Variants in INTS10 observed in about 807,000 individuals in gnomAD.
INTS10 encodes the protein chromosome 8 open reading frame 35.
In INTS10, 44 loss-of-function variants were observed where a neutral mutation model predicts 94.4. That is an observed-to-expected ratio of 0.47 (90% confidence interval 0.37 to 0.60). INTS10 has a LOEUF of 0.60. Among genes scored for constraint, INTS10 ranks in the 20% least tolerant of loss-of-function variants. The probability of loss-of-function intolerance (pLI) is 0.00; values close to 1 mark genes in which losing one functional copy is unlikely to be tolerated. For synonymous variants in INTS10, 341 were observed against 320.7 expected (o/e 1.06, Z -0.68); for missense variants, 797 against 868.7 (o/e 0.92, Z 1.04).
chr8:19,817,449 CGGCGGCGGCGGT>C lies in INTS10; in HGVS notation c.-85_-74del. The C allele has an allele frequency of 2.0e-6, 3 of 1,507,176 alleles. No individual in the cohort carries two copies. Among genetic ancestry groups the C allele is most frequent in the Non-Finnish European group, 2.7e-6 (3 of 1,126,356 alleles). The allele number at this position is 1,507,176 out of a possible 1,614,324, so 93.4% of individuals were successfully genotyped here. ...GCAGTAGCCTCCCCCGCGGTGGCGG[CGGCGGCGGCGGT>C]GGCTGCCGTGGCGGCTGAGAGTCCA... On this transcript the variant is annotated 5_prime_UTR_variant, in exon 1 of 17. Transcript: ENST00000397977.
chr8:19,846,034 T>C lies in INTS10; in HGVS notation c.1976+237T>C. 1 of 421,144 alleles carries C rather than the reference T, an allele frequency of 2.4e-6. No individual in the cohort carries two copies. Among genetic ancestry groups the C allele is most frequent in the Non-Finnish European group, 4.3e-6 (1 of 230,696 alleles). 26.1% of individuals were successfully genotyped at this position (421,144 alleles called of 1,614,324 possible). On this transcript the variant is annotated intron_variant, in intron 16 of 16. Coordinates refer to ENST00000397977, the MANE Select transcript of INTS10 (RefSeq NM_018142.4). This position sits in a 1 kb window ranked among gnomAD's most constrained non-coding sequence, Gnocchi z 4.2. The stretch of plus-strand genomic sequence containing the variant: ...TTTGTCACATTTGCAACTTTTTCAC[T>C]AGACAAAAGTCTCATTCATGATATC...
rs770468173 is a variant in INTS10, at chr8:19,844,210, A to G, written c.1854A>G (p.Gln618=). 68 of 1,612,666 alleles carry G rather than the reference A, an allele frequency of 4.2e-5. 1 individual carries two copies. The East Asian group carries it at 1.1e-3, about 27-fold the overall frequency. The stretch of plus-strand genomic sequence containing the variant: ...AAATTTGCCAACAAGGAAATTTCCA[A>G]TATGAGAATTTTTTCAATTACGTTA... ...VNKICQQGNF[Q]YENFFNYVTN... The change falls in exon 15 of 17, where the codon CAA becomes CAG. Residue 618 remains glutamine, a synonymous_variant. Coordinates refer to ENST00000397977, the MANE Select transcript of INTS10 (RefSeq NM_018142.4).
chr8:19,831,651 C>A (rs1350948677), intron 10 of INTS10, among the ~76,000 whole-genome samples: 1 of 152,150 alleles, frequency 6.6e-6, no homozygotes, highest in African/African-American at 2.4e-5. Context: ...GTTAGGGCCA[C>A]TGTACTGCCA....
At chr8:19,837,383 T>C (rs2067747593) in intron 13 of INTS10, 1 of 502,220 alleles carries the variant, frequency 2.0e-6, no homozygotes, top group Non-Finnish European at 3.6e-6. Context: ...AACAATGTTT[T>C]ACAGTTCCTA....
Position 19,852,031 on chromosome 8 carries a change from A to G in INTS10, c.*226A>G, listed in dbSNP as rs1309214795. The stretch of plus-strand genomic sequence containing the variant: ...TAATTTTTGTAAAACAAAAGTACCA[A>G]TCTGTTTTGTAAATAAAAATCATCC... On this transcript the variant is annotated 3_prime_UTR_variant, in exon 17 of 17. Coordinates refer to ENST00000397977, the MANE Select transcript of INTS10 (RefSeq NM_018142.4). 2.7e-6 allele frequency: 1 copy of G among 365,738 alleles called. No individual in the cohort carries two copies. Among genetic ancestry groups the G allele is most frequent in the Admixed American group, 4.1e-5 (1 of 24,134 alleles). The allele number at this position is 365,738 out of a possible 1,614,324, so 22.7% of individuals were successfully genotyped here.
rs2068621894 is a variant in INTS10, at chr8:19,846,794, G to T, written c.1976+997G>T. 6.6e-6 allele frequency among the ~76,000 whole-genome samples: 1 copy of T among 152,142 alleles called. No homozygotes were observed. The highest frequency in any genetic ancestry group is 1.9e-4 in the East Asian group (1 of 5,204). On this transcript the variant is annotated intron_variant, in intron 16 of 16. Transcript: ENST00000397977. This position sits in a 1 kb window ranked among gnomAD's most constrained non-coding sequence, Gnocchi z 4.2. The stretch of plus-strand genomic sequence containing the variant: ...TCCTTCAATCCTCATTGTAGTTTGG[G>T]TAATATATCCTCTCTGCTGTAAATG...
Position 19,823,970 on chromosome 8 carries a change from C to A in INTS10, c.762C>A (p.Asp254Glu), listed in dbSNP as rs1162880914. The change falls in exon 7 of 17, where the codon GAC (aspartate) becomes GAA (glutamate). Residue 254 changes from aspartate to glutamate, a missense_variant. Asp to Glu is a conservative substitution (Grantham distance 45, BLOSUM62 2). Transcript: ENST00000397977. ...GLTEKSSQIV[D>E]PWERLFKILN... The stretch of plus-strand genomic sequence containing the variant: ...CGGAAAAATCATCCCAGATCGTGGA[C>A]CCTTGGGAGAGGTTGTTTAAGATTT... The A allele has an allele frequency of 4.3e-6, 7 of 1,613,202 alleles. No homozygotes were observed. The highest frequency in any genetic ancestry group is 1.1e-5 in the South Asian group (1 of 90,992).
At chr8:19,838,767 C>T (rs927467536) in intron 13 of INTS10, among the ~76,000 whole-genome samples, 1 of 152,066 alleles carries the variant, frequency 6.6e-6, no homozygotes, top group Middle Eastern at 3.2e-3. Context: ...AATGCATAGG[C>T]GTTTGAACAT....
rs754352705 is a variant in INTS10, at chr8:19,849,722, G to C, written c.1977-1927G>C. On this transcript the variant is annotated intron_variant, in intron 16 of 16. Transcript: ENST00000397977. The surrounding 1 kb of genome is among the most constrained non-coding windows in gnomAD (Gnocchi z 4.6). The stretch of plus-strand genomic sequence containing the variant: ...TTTTCCTGCTACTGATGTTTTTTCA[G>C]ACCTTACCTTTCTGAATTGAAAATA... Among the ~76,000 whole-genome samples the C allele has an allele frequency of 2.3e-4, 35 of 152,020 alleles. No individual in the cohort carries two copies. The highest frequency in any genetic ancestry group is 1.3e-4 in the Non-Finnish European group (9 of 68,002).
chr8:19,842,290 T>TA (rs34830938), intron 13 of INTS10, among the ~76,000 whole-genome samples: 2 of 152,008 alleles, frequency 1.3e-5, no homozygotes, highest in East Asian at 1.9e-4. Flanking sequence ...TGAAGTTGAG[T>TA]AAAAAAAGCA....
In INTS10 at chr8:19,851,250, T is replaced by C. The variant is rs1204885223; in HGVS notation, c.1977-399T>C. Among the ~76,000 whole-genome samples the C allele has an allele frequency of 3.9e-5, 6 of 152,184 alleles. No individual in the cohort carries two copies. Among genetic ancestry groups the C allele is most frequent in the African/African-American group, 1.4e-4 (6 of 41,454 alleles). Reference sequence around the variant, plus strand: ...TCTCCTCCCTCCTTGCTGCTGCCTCTGGAGGGTCTGCTGGCCGGGCTGGAC... The same window carrying C: ...TCTCCTCCCTCCTTGCTGCTGCCTCCGGAGGGTCTGCTGGCCGGGCTGGAC... On this transcript the variant is annotated intron_variant, in intron 16 of 16. Coordinates refer to ENST00000397977, the MANE Select transcript of INTS10 (RefSeq NM_018142.4). This position sits in a 1 kb window ranked among gnomAD's most constrained non-coding sequence, Gnocchi z 5.0.
At chr8:19,832,843 C>A (rs1042668079) in intron 11 of INTS10, among the ~76,000 whole-genome samples, 1 of 152,144 alleles carries the variant, frequency 6.6e-6, no homozygotes, top group Non-Finnish European at 1.5e-5. Flanking sequence ...AGAAGTGGTG[C>A]TTGTAGTAAA....
chr8:19,828,564 C>A lies in INTS10; in HGVS notation c.1141-1842C>A, dbSNP rs145368577. Among the ~76,000 whole-genome samples, 13 of 152,322 alleles carry A rather than the reference C, an allele frequency of 8.5e-5. No individual in the cohort carries two copies. In the South Asian group the frequency reaches 1.7e-3, roughly 19 times the overall value. On this transcript the variant is annotated intron_variant, in intron 9 of 16. Coordinates refer to ENST00000397977, the MANE Select transcript of INTS10 (RefSeq NM_018142.4). ...ACACTAGTCCCACCACATCTGGGGT[C>A]CTTTCATAAATTCCTGATCTCGTGT...
chr8:19,838,876 C>T (rs1241778277), intron 13 of INTS10, among the ~76,000 whole-genome samples: 2 of 151,814 alleles, frequency 1.3e-5, no homozygotes, highest in Non-Finnish European at 2.9e-5. Context: ...TAGAGACCAT[C>T]CTTGCTAATA....
intron 4 of INTS10, chr8:19,821,340 T>C (rs2066358400): frequency 6.6e-6 from 1 of 152,264 alleles, no homozygotes; most frequent in Non-Finnish European, 1.5e-5. Context: ...CTTCTGATGG[T>C]TGTCAGCAAT....
At position 19,819,627 on chromosome 8, in the gene INTS10, A is replaced by G; in HGVS notation, c.252A>G (p.Thr84=). 6.2e-7 allele frequency: 1 copy of G among 1,613,732 alleles called. No homozygotes were observed. The highest frequency in any genetic ancestry group is 8.5e-7 in the Non-Finnish European group (1 of 1,179,798). The change falls in exon 3 of 17, where the codon ACA becomes ACG. Residue 84 remains threonine (T), a synonymous_variant. Coordinates refer to ENST00000397977, the MANE Select transcript of INTS10 (RefSeq NM_018142.4). ...PVVWREISII[T]SALRNDSQDK... ...TGTGGAGAGAAATCAGCATTATTAC[A>G]TCAGCATTAAGGAACGATTCACAGG...
chr8:19,823,206 T>C (rs1192579706), intron 5 of INTS10, 95 bp from the exon 6 acceptor site: 2 of 903,754 alleles, frequency 2.2e-6, no homozygotes, highest in Admixed American at 4.4e-5. Context: ...ATATTTTAGA[T>C]ACTACATCAA....
intron 1 of INTS10, among the ~76,000 whole-genome samples, chr8:19,817,941 G>A (rs1393882826): frequency 6.6e-6 from 1 of 152,144 alleles, no homozygotes; most frequent in African/African-American, 2.4e-5. Flanking sequence ...TAGGTCCCTG[G>A]GGCTCAGCGT....
At chr8:19,835,646 G>A (rs1041187087) in intron 12 of INTS10, among the ~76,000 whole-genome samples, 2 of 152,114 alleles carry the variant, frequency 1.3e-5, no homozygotes, top group Non-Finnish European at 2.9e-5. Context: ...CTGTGACATC[G>A]GTAGGTTACC....
Sources: gnomAD v4.1 joint callset for allele counts (sites outside exome capture counted in the v4.1 genomes callset) on GRCh38, gnomAD v4.1.1 for gene constraint, Gnocchi (gnomAD v3.1) non-coding constraint, MANE v1.5 for transcripts, NCBI Gene and HGNC (gene_info 2026-07-23, HGNC 2026-07-21) for gene names.